The following ATAD2B variants were observed in gnomAD, a reference collection of about 807,000 sequenced individuals.
ATAD2B encodes ATPase family AAA domain containing 2B, also known as ATPase family AAA domain-containing protein 2B.
Under a neutral mutation model 167.6 loss-of-function variants are expected in ATAD2B, and 40 were observed. That is an observed-to-expected ratio of 0.24 (90% CI 0.19 to 0.31). ATAD2B has a LOEUF of 0.31. Among genes scored for constraint, ATAD2B ranks in the 10% least tolerant of loss-of-function variants. The pLI is 1.00. For missense variants in ATAD2B, 1,242 were observed against 1,757.2 expected (o/e 0.71, Z 5.24); for synonymous variants, 579 against 596.5 (o/e 0.97, Z 0.43).
the ATAD2B span, among the ~76,000 whole-genome samples, chr2:23,719,797 G>C: frequency 0.12 from 17,813 of 152,226 alleles, 1,110 homozygotes; most frequent in Middle Eastern, 0.2. Context: ...TACCTAAAGG[G>C]AGAAATATCC....
At chr2:23,809,839 T>C (rs886940054) in intron 18 of ATAD2B, among the ~76,000 whole-genome samples, 2 of 152,126 alleles carry the variant, frequency 1.3e-5, no homozygotes, top group Admixed American at 6.5e-5. Context: ...AAATACAAAA[T>C]AGTTGAAAAT....
At chr2:23,774,526 T>C (rs1451772758) in intron 22 of ATAD2B, among the ~76,000 whole-genome samples, 1 of 152,252 alleles carries the variant, frequency 6.6e-6, no homozygotes, top group Non-Finnish European at 1.5e-5. Context: ...ATATTATTAG[T>C]ATTTATGCAT....
chr2:23,731,983 C>CAAA, the ATAD2B span, among the ~76,000 whole-genome samples: 11 of 137,934 alleles, frequency 8.0e-5, no homozygotes, highest in Non-Finnish European at 9.4e-5. Flanking sequence ...TCCTAGGGGG[C>CAAA]AAAAAAAAAA....
intron 1 of ATAD2B, 119 bp downstream of exon 1, chr2:23,926,436 G>C: frequency 7.0e-7 from 1 of 1,429,756 alleles, no homozygotes; most frequent in African/African-American, 1.5e-5. Flanking sequence ...CGCAGACCCT[G>C]TCTCCAGCCG....
chr2:23,821,523 T>A (rs1421440658), intron 16 of ATAD2B, among the ~76,000 whole-genome samples: 3 of 152,210 alleles, frequency 2.0e-5, no homozygotes, highest in African/African-American at 7.2e-5. Context: ...TATGTGAGTC[T>A]GTCACTAAAC....
At chr2:23,832,128 G>A in intron 14 of ATAD2B, 1 of 428,220 alleles carries the variant, frequency 2.3e-6, no homozygotes, top group Non-Finnish European at 4.8e-6. Context: ...CACGTGACAT[G>A]GTTAATCACA....
the ATAD2B span, among the ~76,000 whole-genome samples, chr2:23,715,816 C>T: frequency 3.9e-5 from 6 of 152,234 alleles, no homozygotes; most frequent in South Asian, 1.2e-3. Context: ...TTACTCCTTT[C>T]TTTGGTCCAT....
intron 18 of ATAD2B, among the ~76,000 whole-genome samples, chr2:23,799,657 T>A (rs1354302162): frequency 6.6e-6 from 1 of 151,980 alleles, no homozygotes; most frequent in Admixed American, 6.6e-5. Flanking sequence ...CAAGTATTAT[T>A]TTTCTTTAAT....
At chr2:23,716,100 C>T in the ATAD2B span, among the ~76,000 whole-genome samples, 1 of 152,178 alleles carries the variant, frequency 6.6e-6, no homozygotes, top group Admixed American at 6.5e-5. Flanking sequence ...TCTCAAGAAA[C>T]GTTCAGCTGT....
At chr2:23,861,353 G>A (rs1694336618) in intron 12 of ATAD2B, among the ~76,000 whole-genome samples, 2 of 151,058 alleles carry the variant, frequency 1.3e-5, no homozygotes, top group African/African-American at 4.9e-5. Flanking sequence ...TATATTCAAT[G>A]GTAAAGATAG....
chr2:23,728,903 AG>A, the ATAD2B span, among the ~76,000 whole-genome samples: 26 of 152,186 alleles, frequency 1.7e-4, no homozygotes, highest in Non-Finnish European at 2.9e-4. Context: ...TAAAGAAAAG[AG>A]GTTTAATTGG....
intron 15 of ATAD2B, among the ~76,000 whole-genome samples, chr2:23,826,824 G>A (rs562226166): frequency 1.3e-5 from 2 of 152,172 alleles, no homozygotes; most frequent in East Asian, 3.9e-4. Context: ...TGTATGTTGA[G>A]TTTTTCACTA....
the ATAD2B span, chr2:23,706,462 C>A: frequency 6.9e-7 from 1 of 1,458,590 alleles, no homozygotes; most frequent in Non-Finnish European, 9.0e-7. Context: ...CTAACTCTGT[C>A]CCCGCTTTCC....
chr2:23,902,304 A>C (rs1700942179), intron 1 of ATAD2B, among the ~76,000 whole-genome samples: 1 of 152,184 alleles, frequency 6.6e-6, no homozygotes, highest in Non-Finnish European at 1.5e-5. Context: ...TATGACAGAG[A>C]CCTCAGAATA....
chr2:23,876,324 CAG>C (rs1382579851), intron 7 of ATAD2B, among the ~76,000 whole-genome samples: 1 of 137,956 alleles, frequency 7.2e-6, no homozygotes, highest in Admixed American at 7.5e-5. Flanking sequence ...TTTTTTGATA[CAG>C]AGTCTCACTC....
the ATAD2B span, among the ~76,000 whole-genome samples, chr2:23,726,730 G>A: frequency 6.6e-6 from 1 of 152,172 alleles, no homozygotes. Context: ...AGGACACTAT[G>A]GTAAATTAAA....
At chr2:23,800,678 T>C (rs1246656858) in intron 18 of ATAD2B, among the ~76,000 whole-genome samples, 4 of 152,136 alleles carry the variant, frequency 2.6e-5, no homozygotes, top group Non-Finnish European at 5.9e-5. Context: ...TAGAAATTTG[T>C]CCACATTTCC....
intron 2 of ATAD2B, 89 bp downstream of exon 2, chr2:23,895,730 T>C (rs943494771): frequency 1.7e-5 from 16 of 941,424 alleles, no homozygotes; most frequent in Non-Finnish European, 2.2e-5. Context: ...GATACTTATT[T>C]TATAAGCTAA....
chr2:23,732,034 A>G, the ATAD2B span, among the ~76,000 whole-genome samples: 1 of 152,162 alleles, frequency 6.6e-6, no homozygotes, highest in Non-Finnish European at 1.5e-5. Context: ...TTTGTAAAGA[A>G]TCTTCAAAAT....
Sources: gnomAD v4.1 joint callset for allele counts (sites outside exome capture counted in the v4.1 genomes callset) on GRCh38, gnomAD v4.1.1 for gene constraint, MANE v1.5 for transcripts, NCBI Gene and HGNC (gene_info 2026-07-23, HGNC 2026-07-21) for gene names.